The following TRPC4 variants were observed in gnomAD, a reference collection of about 807,000 sequenced individuals.
TRPC4 encodes the protein transient receptor potential cation channel subfamily C member 4.
A neutral mutation model predicts 99.4 loss-of-function variants in TRPC4; 49 were observed. The ratio of observed to expected loss-of-function variants is 0.49; its 90% CI spans 0.39 to 0.63. The LOEUF is 0.63. Ranked by LOEUF, TRPC4 falls within the 20% of genes least tolerant of loss-of-function variation. The pLI is 0.00. For synonymous variants in TRPC4, 454 were observed against 425.9 expected, an observed-to-expected ratio of 1.07 and a Z score of -0.81; for missense variants, 898 against 1,152.9, an observed-to-expected ratio of 0.78 and a Z score of 3.20.
At position 37,781,933 on chromosome 13, in the gene TRPC4, T is replaced by C. The variant is rs188785093; in HGVS notation, c.378+1023A>G. On this transcript the variant is annotated intron_variant, in intron 2 of 10. Transcript: ENST00000379705. ...AGAGAGCTTGCTTGTAAAAAAAATG[T>C]CACACCTCCTAACAGTCTAGCGTTT... 1.4e-4 allele frequency among the ~76,000 whole-genome samples: 21 copies of C among 151,590 alleles called. No homozygotes were observed. The East Asian group carries it at 4.1e-3, about 30-fold the overall frequency.
intron 3 of TRPC4, among the ~76,000 whole-genome samples, chr13:37,723,740 A>G (rs1593591697): frequency 6.6e-6 from 1 of 152,176 alleles, no homozygotes; most frequent in Non-Finnish European, 1.5e-5. Context: ...TTTGTAGAGA[A>G]GATGAGGTCT....
At chr13:37,819,340 A>G (rs1043966977) in intron 1 of TRPC4, among the ~76,000 whole-genome samples, 2 of 152,120 alleles carry the variant, frequency 1.3e-5, no homozygotes, top group African/African-American at 4.8e-5. Flanking sequence ...ATATACTCAA[A>G]GGAATACATA....
intron 1 of TRPC4, among the ~76,000 whole-genome samples, chr13:37,808,239 T>G (rs1957582072): frequency 6.6e-6 from 1 of 152,026 alleles, no homozygotes; most frequent in African/African-American, 2.4e-5. Flanking sequence ...TTTAGTGAAG[T>G]TGAAAAGGAA....
chr13:37,848,855 T>C (rs573674309), intron 1 of TRPC4, among the ~76,000 whole-genome samples: 2 of 152,322 alleles, frequency 1.3e-5, no homozygotes, highest in Non-Finnish European at 2.9e-5. Context: ...ACTAACATGC[T>C]TTTGTAGGTC....
chr13:37,707,195 G>A (rs1193864054), intron 3 of TRPC4, among the ~76,000 whole-genome samples: 2 of 152,062 alleles, frequency 1.3e-5, no homozygotes, highest in Admixed American at 6.6e-5. Context: ...AGTCTCTATC[G>A]AGTATTATTC....
At chr13:37,860,337 C>T (rs1372149926) in intron 1 of TRPC4, among the ~76,000 whole-genome samples, 1 of 150,978 alleles carries the variant, frequency 6.6e-6, no homozygotes, top group Admixed American at 6.6e-5. Flanking sequence ...ACACTCAAAC[C>T]CACCACGAAT....
intron 8 of TRPC4, among the ~76,000 whole-genome samples, chr13:37,642,971 C>A (rs1951771151): frequency 6.6e-6 from 1 of 152,066 alleles, no homozygotes; most frequent in Admixed American, 6.6e-5. Context: ...ACCTTGAGAT[C>A]TGCCTGCCTC....
chr13:37,719,111 G>A (rs1954777449), intron 3 of TRPC4, among the ~76,000 whole-genome samples: 2 of 152,158 alleles, frequency 1.3e-5, no homozygotes, highest in African/African-American at 4.8e-5. Context: ...GAGCCCAGAA[G>A]GGAATGGGGC....
At chr13:37,754,044 G>C (rs1450718193) in intron 2 of TRPC4, among the ~76,000 whole-genome samples, 1 of 152,086 alleles carries the variant, frequency 6.6e-6, no homozygotes, top group Non-Finnish European at 1.5e-5. Flanking sequence ...GTTGACTGCA[G>C]CTGAGGCAAT....
At chr13:37,835,582 A>T (rs1958543490) in intron 1 of TRPC4, among the ~76,000 whole-genome samples, 1 of 152,208 alleles carries the variant, frequency 6.6e-6, no homozygotes, top group Non-Finnish European at 1.5e-5. Flanking sequence ...TAGTAGAGAA[A>T]GGAAGACGTG....
intron 10 of TRPC4, among the ~76,000 whole-genome samples, chr13:37,637,829 G>A (rs940045033): frequency 6.6e-6 from 1 of 152,030 alleles, no homozygotes; most frequent in South Asian, 2.1e-4. Flanking sequence ...TATTGGAATT[G>A]GGAAGGACAC....
chr13:37,767,894 T>C (rs1251927585), intron 2 of TRPC4, among the ~76,000 whole-genome samples: 1 of 151,434 alleles, frequency 6.6e-6, no homozygotes, highest in Non-Finnish European at 1.5e-5. Flanking sequence ...ACAGTGTAAT[T>C]TATGCCTAAT....
intron 1 of TRPC4, among the ~76,000 whole-genome samples, chr13:37,843,542 GT>G (rs1254481644): frequency 6.6e-6 from 1 of 152,154 alleles, no homozygotes; most frequent in East Asian, 1.9e-4. Context: ...CATTTAGTAT[GT>G]GATTCTTTAC....
At position 37,651,277 on chromosome 13, in the gene TRPC4, A is replaced by C. The variant is rs985582715; in HGVS notation, c.2067T>G (p.Phe689Leu). 6.2e-7 allele frequency: 1 copy of C among 1,614,162 alleles called. No homozygotes were observed. Residue 689 changes from phenylalanine (F) to leucine (L), a missense_variant, in exon 8 of 11, where the codon TTT (phenylalanine) becomes TTG (leucine). Phe to Leu is a conservative substitution (Grantham distance 22). Around this residue, in one of 3 missense-constraint regions of TRPC4, gnomAD observed 346 missense variants for 351.4 expected, o/e 0.98. Transcript: ENST00000379705. ...GCTGTGTTCTTACCCCTATTGTTCC[A>C]AAACTTTCTGGCTTTCTTCTCATCT... Reference protein sequence around the residue: ...KKKMRRKPESFGTIGRRAADN... With the variant: ...KKKMRRKPESLGTIGRRAADN...
chr13:37,789,228 C>T (rs1957048655), intron 1 of TRPC4, among the ~76,000 whole-genome samples: 1 of 152,080 alleles, frequency 6.6e-6, no homozygotes, highest in Non-Finnish European at 1.5e-5. Flanking sequence ...TTTACACTGC[C>T]CAAAATACCA....
Position 37,783,281 on chromosome 13 carries a change from A to C in TRPC4, c.53T>G (p.Ile18Ser). Residue 18 changes from isoleucine to serine, a missense_variant, in exon 2 of 11, where the codon ATC becomes AGC. Ile to Ser is a moderately radical substitution (Grantham distance 142). Around this residue, in one of 3 missense-constraint regions of TRPC4, gnomAD observed 278 missense variants for 346.6 expected, o/e 0.80. Coordinates refer to ENST00000379705, the MANE Select transcript of TRPC4 (RefSeq NM_016179.4). ...TTCTGCTCTTACTATCCTTAGAGGG[A>C]TGCGGTCTCTATAGGGAGCATTAAC... Reference protein sequence around the residue: ...RNVNAPYRDRIPLRIVRAESE... With the variant: ...RNVNAPYRDRSPLRIVRAESE... 6.2e-7 allele frequency: 1 copy of C among 1,612,674 alleles called. No homozygotes were observed. The highest frequency in any genetic ancestry group is 8.5e-7 in the Non-Finnish European group (1 of 1,179,398).
intron 4 of TRPC4, among the ~76,000 whole-genome samples, chr13:37,681,665 A>G (rs1280797210): frequency 2.6e-5 from 4 of 152,236 alleles, no homozygotes; most frequent in Admixed American, 2.6e-4. Context: ...AAACGAATTC[A>G]GCTAGTAAAT....
At chr13:37,861,098 T>C (rs1959286208) in intron 1 of TRPC4, among the ~76,000 whole-genome samples, 1 of 151,484 alleles carries the variant, frequency 6.6e-6, no homozygotes, top group African/African-American at 2.4e-5. Flanking sequence ...ACCAGAAGCA[T>C]TATAAGAAAG....
intron 3 of TRPC4, among the ~76,000 whole-genome samples, chr13:37,731,545 A>G (rs1955240056): frequency 6.6e-6 from 1 of 152,044 alleles, no homozygotes; most frequent in Non-Finnish European, 1.5e-5. Flanking sequence ...TCAATACAAC[A>G]ATATCTATTA....
Sources: allele counts gnomAD v4.1 joint callset (sites outside exome capture counted in the v4.1 genomes callset), GRCh38; gene constraint gnomAD v4.1.1; regional missense constraint gnomAD v4.1.1; transcripts MANE v1.5; gene names NCBI Gene and HGNC (gene_info 2026-07-23, HGNC 2026-07-21).